H2BC12: variants seen among roughly 807,000 people sequenced by gnomAD.
H2BC12 encodes the protein histone H2B type 1-K.
In H2BC12, 6 loss-of-function variants were observed where a neutral mutation model predicts 6.3. The ratio of observed to expected loss-of-function variants is 0.95; its 90% CI spans 0.52 to 1.87. H2BC12 has a LOEUF of 1.87. Ranked by LOEUF, H2BC12 falls within the 40% of genes most tolerant of loss-of-function variation. The pLI, the probability that H2BC12 is intolerant of heterozygous loss-of-function variation, is 0.01. For synonymous variants in H2BC12, 132 were observed against 78.5 expected (o/e 1.68, Z -3.60); for missense variants, 119 against 178.4 (o/e 0.67, Z 1.90).
chr6:27,139,293 C>T, the H2BC12 span: 2 of 1,589,836 alleles, frequency 1.3e-6, no homozygotes, highest in African/African-American at 1.3e-5. Flanking sequence ...GACCTTTGTT[C>T]TCTGACCACT....
chr6:27,144,068 G>C (rs1460704733), downstream of H2BC12, among the ~76,000 whole-genome samples: 2 of 152,104 alleles, frequency 1.3e-5, no homozygotes, highest in Non-Finnish European at 2.9e-5. Flanking sequence ...ATGGAATCTT[G>C]TTCTGAGTCT....
At chr6:27,146,343 GCT>G (rs1258147314), downstream of H2BC12, 1 of 1,605,006 alleles carries the variant, frequency 6.2e-7, no homozygotes, top group South Asian at 1.1e-5. Context: ...CGTGTTTACA[GCT>G]CTAATATCGA....
chr6:27,139,774 C>T, the H2BC12 span: 1 of 1,263,534 alleles, frequency 7.9e-7, no homozygotes, highest in Non-Finnish European at 1.1e-6. Context: ...AACTCGACGC[C>T]GAAAATGGGC....
downstream of H2BC12, among the ~76,000 whole-genome samples, chr6:27,143,929 GA>G (rs1245786684): frequency 6.7e-6 from 1 of 149,922 alleles, no homozygotes; most frequent in Non-Finnish European, 1.5e-5. Flanking sequence ...AAGAGATTAT[GA>G]AATATACAAA....
At chr6:27,139,268 C>T in the H2BC12 span, 3 of 1,540,358 alleles carry the variant, frequency 1.9e-6, no homozygotes, top group Non-Finnish European at 1.7e-6. Context: ...AAGAAAGCTG[C>T]CATCACAGGC....
At chr6:27,138,831 A>AT in the H2BC12 span, 1 of 152,336 alleles carries the variant, frequency 6.6e-6, no homozygotes, top group East Asian at 1.9e-4. Flanking sequence ...AGAAATGAAA[A>AT]TAAGTAGAAA....
chr6:27,146,511 C>A lies in H2BC12; in HGVS notation c.288G>T (p.Gln96His), dbSNP rs747318217. ...CGGGCAGCAGCAGGCGCACGGCCGT[C>A]TGGATCTCCCTGGAGGTGATGGTCG... ...KRSTITSREI[Q>H]TAVRLLLPGE... The change falls in exon 1 of 1, where the codon CAG (glutamine) becomes CAT (histidine). Residue 96 changes from glutamine (Q) to histidine (H), a missense_variant. Gln to His is a conservative substitution (Grantham distance 24). This residue lies in a region of H2BC12 where 69 missense variants were observed against 141.0 expected (regional missense o/e 0.49). Transcript: ENST00000356950. 1.2e-6 allele frequency: 2 copies of A among 1,614,262 alleles called. No homozygotes were observed. Among genetic ancestry groups the A allele is most frequent in the Non-Finnish European group, 1.7e-6 (2 of 1,180,044 alleles).
chr6:27,141,509 C>T (rs554953429), downstream of H2BC12, among the ~76,000 whole-genome samples: 1 of 152,162 alleles, frequency 6.6e-6, no homozygotes, highest in Non-Finnish European at 1.5e-5. Flanking sequence ...CTCACTCAAA[C>T]CTGTAATATT....
At chr6:27,144,743 A>G (rs1375596100), downstream of H2BC12, among the ~76,000 whole-genome samples, 1 of 152,198 alleles carries the variant, frequency 6.6e-6, no homozygotes, top group Non-Finnish European at 1.5e-5. Flanking sequence ...TAGTCTATAA[A>G]AAGTAGTCAG....
At chr6:27,141,093 T>C in the H2BC12 span, among the ~76,000 whole-genome samples, 1 of 151,688 alleles carries the variant, frequency 6.6e-6, no homozygotes, top group Non-Finnish European at 1.5e-5. Context: ...TATGTCCTGA[T>C]TTGGCTTGAA....
chr6:27,146,568 C>A lies in H2BC12; in HGVS notation c.231G>T (p.Glu77Asp). The change falls in exon 1 of 1, where the codon GAG (glutamate) becomes GAT (aspartate). Residue 77 changes from glutamate (E) to aspartate (D), a missense_variant. This residue lies in a region of H2BC12 where 69 missense variants were observed against 141.0 expected (regional missense o/e 0.49). Transcript: ENST00000356950. ...TGTTGTAATGCGCCAGGCGGGAAGC[C>A]TCACCCGCGATGCGTTCGAAGATGT... ...VNDIFERIAG[E>D]ASRLAHYNKR... The A allele has an allele frequency of 6.2e-7, 1 of 1,614,230 alleles. No individual in the cohort carries two copies. Among genetic ancestry groups the A allele is most frequent in the Non-Finnish European group, 8.5e-7 (1 of 1,180,044 alleles).
chr6:27,144,255 A>C (rs1011839495), downstream of H2BC12, among the ~76,000 whole-genome samples: 3 of 152,116 alleles, frequency 2.0e-5, no homozygotes, highest in African/African-American at 7.2e-5. Flanking sequence ...CAAGGTCGGG[A>C]GTTCCAGACC....
At chr6:27,143,774 T>C (rs1346517706), downstream of H2BC12, among the ~76,000 whole-genome samples, 1 of 148,582 alleles carries the variant, frequency 6.7e-6, no homozygotes, top group Non-Finnish European at 1.5e-5. Context: ...CAGCAGGCTG[T>C]AACAATTGCT....
rs778777439 is a variant in H2BC12, at chr6:27,146,501, G to A, written c.298C>T (p.Arg100Cys). 1.2e-6 allele frequency: 2 copies of A among 1,614,260 alleles called. No homozygotes were observed. The highest frequency in any genetic ancestry group is 2.2e-5 in the South Asian group (2 of 91,088). Residue 100 changes from arginine (R) to cysteine (C), a missense_variant, in exon 1 of 1, where the codon CGC becomes TGC. By Grantham distance (180) the Arg-to-Cys change is radical. Around this residue, in one of 2 missense-constraint regions of H2BC12, gnomAD observed 69 missense variants for 141.0 expected, o/e 0.49. Transcript: ENST00000356950. ...ITSREIQTAV[R>C]LLLPGELAKH... ...GCCAACTCCCCGGGCAGCAGCAGGC[G>A]CACGGCCGTCTGGATCTCCCTGGAG...
downstream of H2BC12, among the ~76,000 whole-genome samples, chr6:27,141,948 G>A (rs1348869667): frequency 1.3e-5 from 2 of 152,172 alleles, no homozygotes; most frequent in Non-Finnish European, 2.9e-5. Context: ...TTACAATGTG[G>A]CATGTGACTG....
In H2BC12 at chr6:27,146,814, C is replaced by G. The variant is rs148466700; in HGVS notation, c.-16G>C. 5,041 of 1,612,796 alleles carry G rather than the reference C, an allele frequency of 3.1e-3. 72 individuals carry two copies. In the African/African-American group the frequency reaches 0.037, roughly 12 times the overall value. ...GTTCCGGCATGTTGAAGGCGAACTA[C>G]GAGCCTGAGACGAGCAGCAGATCGA... is the stretch of plus-strand genomic sequence containing the variant. On this transcript the variant is annotated 5_prime_UTR_variant, in exon 1 of 1. Coordinates refer to ENST00000356950, the MANE Select transcript of H2BC12 (RefSeq NM_001312653.2).
In H2BC12 at chr6:27,146,736, C is replaced by T. The variant is rs757665815; in HGVS notation, c.63G>A (p.Lys21=). ...GCTTCTTGCCGTCCTTCTTCTGCGC[C>T]TTAGTCACGGCTTTCTTCGAGCCCT... is the stretch of plus-strand genomic sequence containing the variant. ...PKKGSKKAVT[K]AQKKDGKKRK... is the part of the protein sequence containing the mutation. The change falls in exon 1 of 1, where the codon AAG becomes AAA. Residue 21 remains lysine (K), a synonymous_variant. Transcript: ENST00000356950. The T allele has an allele frequency of 1.2e-6, 2 of 1,614,264 alleles. No individual in the cohort carries two copies. The highest frequency in any genetic ancestry group is 1.1e-5 in the South Asian group (1 of 91,088).
At chr6:27,139,297 G>T in the H2BC12 span, 1 of 1,593,632 alleles carries the variant, frequency 6.3e-7, no homozygotes, top group South Asian at 1.1e-5. Context: ...TTTGTTCTCT[G>T]ACCACTTGAT....
downstream of H2BC12, among the ~76,000 whole-genome samples, chr6:27,144,472 G>A (rs1030032626): frequency 3.3e-5 from 4 of 119,744 alleles, no homozygotes; most frequent in Non-Finnish European, 7.0e-5. Context: ...GGGGGGGGGG[G>A]GGGGGCGGAA....
Sources: gnomAD v4.1 joint callset for allele counts (sites outside exome capture counted in the v4.1 genomes callset) on GRCh38, gnomAD v4.1.1 for gene constraint, gnomAD v4.1.1 regional missense constraint, MANE v1.5 for transcripts, NCBI Gene and HGNC (gene_info 2026-07-23, HGNC 2026-07-21) for gene names.